The following ESRRG variants were observed in gnomAD, a reference collection of about 807,000 sequenced individuals.
ESRRG encodes estrogen-related receptor gamma.
In ESRRG, 13 loss-of-function variants were observed where a neutral mutation model predicts 44.0. That is an observed-to-expected ratio of 0.30 (90% CI 0.19 to 0.47). ESRRG has a LOEUF of 0.47. ESRRG is among the 20% of genes least tolerant of loss of function. The probability of loss-of-function intolerance (pLI) is 1.00; values close to 1 mark genes in which losing one functional copy is unlikely to be tolerated. For missense variants in ESRRG, 395 were observed against 580.6 expected (o/e 0.68, Z 3.29); for synonymous variants, 215 against 214.6 (o/e 1.00, Z -0.02).
Position 216,974,392 on chromosome 1 carries a change from T to G in ESRRG, c.-105-34719A>C, listed in dbSNP as rs77521294. 2.3e-3 allele frequency among the ~76,000 whole-genome samples: 344 copies of G among 152,244 alleles called. 2 individuals are homozygous for G. Among genetic ancestry groups the G allele is most frequent in the African/African-American group, 7.6e-3 (315 of 41,560 alleles). The stretch of plus-strand genomic sequence containing the variant: ...TTTAAATCTTTCCAGTTGACTTATG[T>G]CTCTGAAACTCCTGATATGACAATA... On this transcript the variant is annotated intron_variant, in intron 1 of 7. Transcript: ENST00000359162.
chr1:216,719,308 C>T (rs2085635597), intron 1 of ESRRG, among the ~76,000 whole-genome samples: 2 of 151,860 alleles, frequency 1.3e-5, no homozygotes, highest in Non-Finnish European at 2.9e-5. Flanking sequence ...TATGGCCCGG[C>T]TAATGAGATG....
chr1:216,652,890 T>G (rs1033064305), intron 2 of ESRRG, among the ~76,000 whole-genome samples: 2 of 151,834 alleles, frequency 1.3e-5, no homozygotes, highest in African/African-American at 2.4e-5. Context: ...CCTGTTCGGC[T>G]CCCCCTATAC....
At chr1:216,859,379 T>C (rs756621006) in intron 2 of ESRRG, among the ~76,000 whole-genome samples, 2 of 152,192 alleles carry the variant, frequency 1.3e-5, no homozygotes, top group Non-Finnish European at 2.9e-5. Context: ...GAGACACATC[T>C]AAAAGGCTCA....
At chr1:216,746,446 TCCC>T (rs2091410357) in intron 2 of ESRRG, among the ~76,000 whole-genome samples, 3 of 152,176 alleles carry the variant, frequency 2.0e-5, no homozygotes, top group Middle Eastern at 3.2e-3. Flanking sequence ...GTGTTTTATA[TCCC>T]AAATAGTATG....
At chr1:216,549,124 T>C (rs761084106) in intron 5 of ESRRG, among the ~76,000 whole-genome samples, 1 of 152,066 alleles carries the variant, frequency 6.6e-6, no homozygotes, top group Non-Finnish European at 1.5e-5. Context: ...GTCATATAAA[T>C]ATGTTCTTCA....
intron 3 of ESRRG, among the ~76,000 whole-genome samples, chr1:216,575,191 C>T (rs2061478841): frequency 6.6e-6 from 1 of 152,130 alleles, no homozygotes; most frequent in South Asian, 2.1e-4. Flanking sequence ...GAGTAGTGAA[C>T]ATTATTTGTA....
At chr1:216,535,359 T>C (rs1011989446) in intron 5 of ESRRG, among the ~76,000 whole-genome samples, 1 of 152,036 alleles carries the variant, frequency 6.6e-6, no homozygotes, top group African/African-American at 2.4e-5. Context: ...TGTTCCTCAA[T>C]ATGGGCAGGG....
intron 1 of ESRRG, among the ~76,000 whole-genome samples, chr1:217,078,659 T>A (rs2091514602): frequency 1.3e-5 from 2 of 152,182 alleles, no homozygotes; most frequent in African/African-American, 2.4e-5. Context: ...GTAGTTCCTG[T>A]CTCTGCTGTC....
At chr1:216,640,180 G>A (rs930357408) in intron 3 of ESRRG, among the ~76,000 whole-genome samples, 12 of 152,090 alleles carry the variant, frequency 7.9e-5, no homozygotes, top group East Asian at 1.9e-4. Flanking sequence ...CCACAAAGCC[G>A]CACTGGCTCT....
chr1:216,710,992 T>C (rs1415132003), intron 1 of ESRRG, among the ~76,000 whole-genome samples: 2 of 152,186 alleles, frequency 1.3e-5, no homozygotes, highest in African/African-American at 4.8e-5. Context: ...TGAAACAAGA[T>C]GTAAGCTGTC....
intron 2 of ESRRG, among the ~76,000 whole-genome samples, chr1:216,822,284 A>G (rs1309778139): frequency 9.9e-5 from 15 of 152,162 alleles, no homozygotes; most frequent in Admixed American, 9.8e-4. Flanking sequence ...ATAAATACCG[A>G]TACTCTCTAA....
intron 2 of ESRRG, among the ~76,000 whole-genome samples, chr1:216,820,552 G>A (rs965084078): frequency 6.6e-6 from 1 of 151,596 alleles, no homozygotes; most frequent in African/African-American, 2.4e-5. Flanking sequence ...TAAGCCTTTC[G>A]ACTCTAGGCA....
chr1:216,588,374 C>T (rs1419371099), intron 3 of ESRRG, among the ~76,000 whole-genome samples: 3 of 152,140 alleles, frequency 2.0e-5, no homozygotes, highest in East Asian at 3.8e-4. Flanking sequence ...ACAACAACAA[C>T]AAAGCCAAGG....
At chr1:216,811,101 T>C (rs1026807104) in intron 2 of ESRRG, among the ~76,000 whole-genome samples, 5 of 152,074 alleles carry the variant, frequency 3.3e-5, no homozygotes, top group Non-Finnish European at 7.4e-5. Context: ...TTAGCACAAA[T>C]ATGAAGAATG....
At chr1:216,587,832 A>G (rs1310273621) in intron 3 of ESRRG, among the ~76,000 whole-genome samples, 1 of 152,176 alleles carries the variant, frequency 6.6e-6, no homozygotes, top group African/African-American at 2.4e-5. Flanking sequence ...TATAAACATA[A>G]GACATGAAAC....
At chr1:216,805,744 A>G (rs979913460) in intron 2 of ESRRG, among the ~76,000 whole-genome samples, 2 of 152,156 alleles carry the variant, frequency 1.3e-5, no homozygotes, top group African/African-American at 4.8e-5. Flanking sequence ...GAAAAAAAAA[A>G]AAAAGGATTT....
intron 1 of ESRRG, among the ~76,000 whole-genome samples, chr1:217,059,054 G>T (rs1417268994): frequency 6.7e-6 from 1 of 148,468 alleles, no homozygotes; most frequent in Non-Finnish European, 1.5e-5. Flanking sequence ...AATAACTATA[G>T]TATACTATAT....
intron 1 of ESRRG, among the ~76,000 whole-genome samples, chr1:217,033,344 C>T (rs1460602670): frequency 6.6e-6 from 1 of 152,136 alleles, no homozygotes; most frequent in African/African-American, 2.4e-5. Context: ...TGCCTCTCCA[C>T]CCCTGTGAGT....
In ESRRG at chr1:216,564,400, C is replaced by T. The variant is rs1430373223; in HGVS notation, c.701-20G>A. On this transcript the variant is annotated intron_variant, in intron 4 of 6. Coordinates refer to ENST00000408911, the MANE Select transcript of ESRRG (RefSeq NM_001438.4). ...TGTTATCTGCAGGATCAGACCAGAGCACTACAAGATCACTAGTAGTATCAT... is the reference window on the plus strand; with the variant it reads ...TGTTATCTGCAGGATCAGACCAGAGTACTACAAGATCACTAGTAGTATCAT... 5 of 1,588,956 alleles carry T rather than the reference C, an allele frequency of 3.1e-6. No individual in the cohort carries two copies. In the Middle Eastern group the frequency reaches 5.1e-4, roughly 161 times the overall value.
Sources: allele counts gnomAD v4.1 joint callset (sites outside exome capture counted in the v4.1 genomes callset), GRCh38; gene constraint gnomAD v4.1.1; transcripts MANE v1.5; gene names NCBI Gene and HGNC (gene_info 2026-07-23, HGNC 2026-07-21).